The following ZNF277 variants were observed in gnomAD, a reference collection of about 807,000 sequenced individuals.
ZNF277 encodes zinc finger protein 277, also known as nuclear receptor-interacting factor 4.
ZNF277 carries 55 observed loss-of-function variants against 60.7 expected under a neutral mutation model. The observed-to-expected ratio is 0.91, with a 90% CI of 0.73 to 1.13. The LOEUF (loss-of-function observed/expected upper bound fraction) is 1.13, where lower values mean the gene tolerates loss of function less well. Ranked by LOEUF, ZNF277 falls within the 50% of genes most tolerant of loss-of-function variation. The pLI is 0.00. For missense variants in ZNF277, 510 were observed against 523.0 expected (o/e 0.98, Z 0.24); for synonymous variants, 178 against 179.3 (o/e 0.99, Z 0.06).
intron 1 of ZNF277, among the ~76,000 whole-genome samples, chr7:112,220,802 G>T (rs1182622268): frequency 1.3e-5 from 2 of 152,086 alleles, no homozygotes; most frequent in Non-Finnish European, 2.9e-5. Context: ...TGCTAATTAG[G>T]CAAAAACAGG....
intron 1 of ZNF277, among the ~76,000 whole-genome samples, chr7:112,286,060 A>G (rs1792056817): frequency 6.6e-6 from 1 of 152,124 alleles, no homozygotes; most frequent in Non-Finnish European, 1.5e-5. Flanking sequence ...GGCAGACTAA[A>G]GGGGGCTACT....
At chr7:112,287,188 T>A in intron 2 of ZNF277, 114 bp downstream of exon 2, 1 of 1,015,662 alleles carries the variant, frequency 9.8e-7, no homozygotes, top group Non-Finnish European at 1.5e-6. Context: ...AGGCCAGTAG[T>A]AGTTCAAGAT....
chr7:112,222,978 C>T (rs947229996), intron 1 of ZNF277, among the ~76,000 whole-genome samples: 7 of 152,176 alleles, frequency 4.6e-5, no homozygotes, highest in Admixed American at 2.0e-4. Context: ...ATGCTGGATG[C>T]TTCCTGCCCT....
intron 4 of ZNF277, among the ~76,000 whole-genome samples, chr7:112,312,797 T>C (rs775194592): frequency 3.3e-5 from 5 of 152,120 alleles, no homozygotes; most frequent in Non-Finnish European, 5.9e-5. Context: ...CTTCCTGGTT[T>C]ACCAATTCAT....
chr7:112,308,483 C>T (rs1269623808), intron 4 of ZNF277, among the ~76,000 whole-genome samples: 1 of 151,924 alleles, frequency 6.6e-6, no homozygotes, highest in Admixed American at 6.6e-5. Context: ...TACCACTGCA[C>T]TCTAGCCTGG....
chr7:112,334,670 A>AT (rs1793296329), intron 7 of ZNF277, among the ~76,000 whole-genome samples: 1 of 152,186 alleles, frequency 6.6e-6, no homozygotes, highest in African/African-American at 2.4e-5. Context: ...AGTGAAAGAT[A>AT]TTTTTTGTAC....
chr7:112,208,674 A>AT (rs869082099), intron 1 of ZNF277, among the ~76,000 whole-genome samples: 40,679 of 70,782 alleles, frequency 0.57, 14,498 homozygotes, highest in Non-Finnish European at 0.66. Context: ...GTATGATTTG[A>AT]TTTTTTTTTT....
At chr7:112,210,206 A>G (rs999482526) in intron 1 of ZNF277, among the ~76,000 whole-genome samples, 3 of 152,170 alleles carry the variant, frequency 2.0e-5, no homozygotes, top group Non-Finnish European at 4.4e-5. Context: ...GCTTCTTTTA[A>G]GAGATTTTCT....
chr7:112,322,852 T>C (rs1793014978), intron 5 of ZNF277, among the ~76,000 whole-genome samples: 1 of 152,148 alleles, frequency 6.6e-6, no homozygotes, highest in Non-Finnish European at 1.5e-5. Context: ...CTCTGGAAAT[T>C]GGATTCCTCC....
intron 5 of ZNF277, 46 bp downstream of exon 5, chr7:112,318,319 ACTCAT>A: frequency 6.6e-7 from 1 of 1,508,710 alleles, no homozygotes; most frequent in Non-Finnish European, 9.2e-7. Flanking sequence ...TAATCTGAAA[ACTCAT>A]CAGAACATCC....
At chr7:112,330,437 C>G (rs1226275754) in intron 7 of ZNF277, 1 of 519,178 alleles carries the variant, frequency 1.9e-6, no homozygotes, top group Non-Finnish European at 3.3e-6. Context: ...TGTCATGTCT[C>G]TAGAACTCAC....
At chr7:112,254,833 T>C (rs1791273515) in intron 1 of ZNF277, among the ~76,000 whole-genome samples, 1 of 152,018 alleles carries the variant, frequency 6.6e-6, no homozygotes, top group Admixed American at 6.6e-5. Flanking sequence ...TAGCCGGGCG[T>C]GGTGGCATGG....
chr7:112,262,542 G>T (rs112615970), intron 1 of ZNF277, among the ~76,000 whole-genome samples: 4,230 of 152,010 alleles, frequency 0.028, 206 homozygotes, highest in African/African-American at 0.098. Flanking sequence ...TTTCTGTATT[G>T]ATATATTAAA....
intron 4 of ZNF277, among the ~76,000 whole-genome samples, chr7:112,307,331 G>C (rs1792621307): frequency 6.6e-6 from 1 of 152,102 alleles, no homozygotes; most frequent in Admixed American, 6.5e-5. Context: ...TCTCTTCAGA[G>C]AGGCTAACCA....
At chr7:112,339,244 A>G (rs569521266) in intron 9 of ZNF277, among the ~76,000 whole-genome samples, 5 of 152,352 alleles carry the variant, frequency 3.3e-5, no homozygotes, top group African/African-American at 1.2e-4. Flanking sequence ...ATAGACTTCT[A>G]CATTTTTAGA....
intron 2 of ZNF277, among the ~76,000 whole-genome samples, chr7:112,295,594 A>G: frequency 6.6e-6 from 1 of 152,140 alleles, no homozygotes; most frequent in East Asian, 1.9e-4. Flanking sequence ...AATTCATTTT[A>G]ACTTTCCTAT....
intron 4 of ZNF277, among the ~76,000 whole-genome samples, chr7:112,314,469 A>T (rs1792799147): frequency 6.6e-6 from 1 of 152,098 alleles, no homozygotes; most frequent in South Asian, 2.1e-4. Context: ...GGATTGTATG[A>T]GGAAGAAATG....
chr7:112,302,970 A>G lies in ZNF277; in HGVS notation c.465+6659A>G, dbSNP rs1276620971. Among the ~76,000 whole-genome samples, 7 of 123,718 alleles carry G rather than the reference A, an allele frequency of 5.7e-5. 1 individual carries two copies. The highest frequency in any genetic ancestry group is 1.1e-4 in the Non-Finnish European group (7 of 63,790). 81.2% of individuals were successfully genotyped at this position (123,718 alleles called of 152,430 possible). ...AGGCCTTTTTTTTTTTTTTTTTGAG[A>G]CAGAGTGTCAGTCTGTCACCCAGGC... On this transcript the variant is annotated intron_variant, in intron 4 of 11. Coordinates refer to ENST00000361822, the MANE Select transcript of ZNF277 (RefSeq NM_021994.3).
intron 4 of ZNF277, among the ~76,000 whole-genome samples, chr7:112,302,325 C>T (rs1451342698): frequency 6.6e-6 from 1 of 152,152 alleles, no homozygotes. Context: ...TGTTCTTCCT[C>T]ATGCCACTTT....
Sources: allele counts gnomAD v4.1 joint callset (sites outside exome capture counted in the v4.1 genomes callset), GRCh38; gene constraint gnomAD v4.1.1; transcripts MANE v1.5; gene names NCBI Gene and HGNC (gene_info 2026-07-23, HGNC 2026-07-21).